Variants in MAP4K3 observed in about 807,000 individuals in gnomAD.
MAP4K3 encodes mitogen-activated protein kinase kinase kinase kinase 3, also known as MAPK/ERK kinase kinase kinase 3.
Under a neutral mutation model 143.5 loss-of-function variants are expected in MAP4K3, and 94 were observed. The observed-to-expected ratio is 0.65, with a 90% CI of 0.55 to 0.78. The LOEUF (loss-of-function observed/expected upper bound fraction) is 0.78, where lower values mean the gene tolerates loss of function less well. MAP4K3 is among the 30% of genes least tolerant of loss of function. The pLI is 0.00. For synonymous variants in MAP4K3, 416 were observed against 347.2 expected (o/e 1.20, Z -2.20); for missense variants, 1,077 against 1,068.1 (o/e 1.01, Z -0.12).
At chr2:39,297,047 T>C (rs778458025) in intron 16 of MAP4K3, among the ~76,000 whole-genome samples, 44 of 152,324 alleles carry the variant, frequency 2.9e-4, no homozygotes, top group Non-Finnish European at 6.0e-4. Context: ...AACTATTACT[T>C]ATTAGAAGAG....
chr2:39,265,286 G>A lies in MAP4K3; in HGVS notation c.2053C>T (p.His685Tyr). 1 of 1,612,226 alleles carries A rather than the reference G, an allele frequency of 6.2e-7. No individual in the cohort carries two copies. Among genetic ancestry groups the A allele is most frequent in the Non-Finnish European group, 8.5e-7 (1 of 1,178,512 alleles). The change falls in exon 28 of 34, where the codon CAT becomes TAT. Residue 685 changes from histidine to tyrosine, a missense_variant. Transcript: ENST00000263881. ...CCVVRNPYTG[H>Y]KYLCGALQTS... Reference sequence around the variant, plus strand: ...TGAAGTGCTCCACATAGGTATTTATGGCCCGTGTAAGGATTTCTTACTGTC... The same window carrying A: ...TGAAGTGCTCCACATAGGTATTTATAGCCCGTGTAAGGATTTCTTACTGTC...
intron 1 of MAP4K3, among the ~76,000 whole-genome samples, chr2:39,411,687 A>G (rs1157352554): frequency 1.3e-5 from 2 of 152,206 alleles, no homozygotes; most frequent in Non-Finnish European, 2.9e-5. Flanking sequence ...AGTATCTGTC[A>G]AGTACTTTCA....
chr2:39,372,166 G>A (rs530921619), intron 2 of MAP4K3, among the ~76,000 whole-genome samples: 268 of 150,842 alleles, frequency 1.8e-3, no homozygotes, highest in African/African-American at 6.2e-3. Flanking sequence ...AAGAAATCAA[G>A]AAAGAAATTC....
At chr2:39,404,841 G>A (rs977628681) in intron 1 of MAP4K3, among the ~76,000 whole-genome samples, 1 of 151,920 alleles carries the variant, frequency 6.6e-6, no homozygotes, top group Non-Finnish European at 1.5e-5. Context: ...GGCTGGTCTC[G>A]AACTCCCAAC....
At chr2:39,282,651 A>G in intron 21 of MAP4K3, 97 bp from the exon 22 acceptor site, 2 of 808,534 alleles carry the variant, frequency 2.5e-6, no homozygotes, top group Non-Finnish European at 4.1e-6. Flanking sequence ...AAATACATGA[A>G]TACATTCTTT....
intron 26 of MAP4K3, among the ~76,000 whole-genome samples, chr2:39,270,009 A>G (rs555162639): frequency 7.9e-5 from 12 of 152,300 alleles, no homozygotes; most frequent in African/African-American, 2.2e-4. Context: ...GTTAAAAAAA[A>G]TCTGAACCAA....
At chr2:39,305,814 GAA>G (rs36029314) in intron 15 of MAP4K3, among the ~76,000 whole-genome samples, 1 of 151,800 alleles carries the variant, frequency 6.6e-6, no homozygotes, top group Non-Finnish European at 1.5e-5. Flanking sequence ...ATGTGGCACA[GAA>G]AAGAGTATTT....
intron 1 of MAP4K3, among the ~76,000 whole-genome samples, chr2:39,391,569 GAAAAAT>G (rs968584403): frequency 2.0e-5 from 3 of 152,014 alleles, no homozygotes; most frequent in Admixed American, 6.6e-5. Context: ...TTAGGATTTA[GAAAAAT>G]ACATTCACTT....
chr2:39,402,812 A>C (rs1178932476), intron 1 of MAP4K3, among the ~76,000 whole-genome samples: 1 of 151,910 alleles, frequency 6.6e-6, no homozygotes, highest in Non-Finnish European at 1.5e-5. Context: ...AAGAAAAAAG[A>C]AAGAAAAAAA....
At chr2:39,302,946 A>G (rs910201797) in intron 15 of MAP4K3, 1 of 165,938 alleles carries the variant, frequency 6.0e-6, no homozygotes, top group Non-Finnish European at 1.5e-5. Context: ...CTAAGAACAC[A>G]AAGTGTGAGA....
In MAP4K3 at chr2:39,357,817, T is replaced by G. The variant is rs902084816; in HGVS notation, c.155-1478A>C. Among the ~76,000 whole-genome samples, 9 of 152,370 alleles carry G rather than the reference T, an allele frequency of 5.9e-5. No individual in the cohort carries two copies. The East Asian group carries it at 1.7e-3, about 29-fold the overall frequency. On this transcript the variant is annotated intron_variant, in intron 2 of 33. Transcript: ENST00000263881. ...GGTATACTAGGTACTTTGGAAGTTC[T>G]GGACTTTTAGTTTCTCACTCAACCC...
chr2:39,269,653 G>T (rs190225056), intron 26 of MAP4K3, among the ~76,000 whole-genome samples: 1 of 152,018 alleles, frequency 6.6e-6, no homozygotes, highest in East Asian at 1.9e-4. Flanking sequence ...TTCAGAGTGT[G>T]CAAGGTAAGC....
intron 12 of MAP4K3, chr2:39,315,591 A>C (rs1683090338): frequency 3.9e-6 from 2 of 513,164 alleles, no homozygotes; most frequent in Non-Finnish European, 6.9e-6. Context: ...TATTATCCAC[A>C]ACATAAATTA....
At chr2:39,364,393 A>G (rs897738167) in intron 2 of MAP4K3, among the ~76,000 whole-genome samples, 1 of 152,248 alleles carries the variant, frequency 6.6e-6, no homozygotes, top group African/African-American at 2.4e-5. Flanking sequence ...AATAGGTATC[A>G]TGTGACGTGT....
Position 39,279,265 on chromosome 2 carries a change from C to T in MAP4K3, c.1715-779G>A, listed in dbSNP as rs555985818. On this transcript the variant is annotated intron_variant, in intron 23 of 33. Coordinates refer to ENST00000263881, the MANE Select transcript of MAP4K3 (RefSeq NM_003618.4). Reference sequence around the variant, plus strand: ...AATGCTAAGAGCATTCCTAAAGTGCCCAGAATTTAAGATTAGTACTGGGAG... The same window carrying T: ...AATGCTAAGAGCATTCCTAAAGTGCTCAGAATTTAAGATTAGTACTGGGAG... 3.9e-5 allele frequency among the ~76,000 whole-genome samples: 6 copies of T among 152,164 alleles called. No homozygotes were observed. In the South Asian group the frequency reaches 1.0e-3, roughly 26 times the overall value.
intron 2 of MAP4K3, among the ~76,000 whole-genome samples, chr2:39,357,869 GAA>G (rs1384784533): frequency 6.6e-6 from 1 of 152,174 alleles, no homozygotes; most frequent in African/African-American, 2.4e-5. Flanking sequence ...TCAATCTAGT[GAA>G]AGAGTTGCAT....
intron 13 of MAP4K3, among the ~76,000 whole-genome samples, chr2:39,310,336 G>A (rs1682898867): frequency 6.6e-6 from 1 of 152,108 alleles, no homozygotes; most frequent in African/African-American, 2.4e-5. Flanking sequence ...ACATATGAAT[G>A]AGGACATGAG....
chr2:39,326,827 G>A (rs1410504749), intron 8 of MAP4K3, among the ~76,000 whole-genome samples: 1 of 152,066 alleles, frequency 6.6e-6, no homozygotes, highest in Non-Finnish European at 1.5e-5. Flanking sequence ...TTTAAAAGTG[G>A]CCGTTTCCCG....
At chr2:39,420,410 A>AT (rs1405073183) in intron 1 of MAP4K3, among the ~76,000 whole-genome samples, 8 of 151,868 alleles carry the variant, frequency 5.3e-5, no homozygotes, top group South Asian at 2.1e-4. Flanking sequence ...TGAATTCCAT[A>AT]TTTTTTTTAA....
Sources: allele counts gnomAD v4.1 joint callset (sites outside exome capture counted in the v4.1 genomes callset), GRCh38; gene constraint gnomAD v4.1.1; transcripts MANE v1.5; gene names NCBI Gene and HGNC (gene_info 2026-07-23, HGNC 2026-07-21).